The following SYNE2 variants were observed in gnomAD, a reference collection of about 807,000 sequenced individuals.
SYNE2 encodes the protein nesprin-2.
A neutral mutation model predicts 856.3 loss-of-function variants in SYNE2; 431 were observed. The ratio of observed to expected loss-of-function variants is 0.50; its 90% confidence interval spans 0.47 to 0.55. The LOEUF is 0.55. Ranked by LOEUF, SYNE2 falls within the 20% of genes least tolerant of loss-of-function variation. The probability of loss-of-function intolerance (pLI) is 0.00; values close to 1 mark genes in which losing one functional copy is unlikely to be tolerated. For synonymous variants in SYNE2, 2,923 were observed against 2,872.3 expected, an observed-to-expected ratio of 1.02 and a Z score of -0.56; for missense variants, 8,129 against 8,023.2, an observed-to-expected ratio of 1.01 and a Z score of -0.50.
chr14:64,031,067 G>A lies in SYNE2; in HGVS notation c.6931G>A (p.Ala2311Thr), dbSNP rs751149854. ...LQDGTLKKIL[A>T]LAKSVKQNTS... ...AGATGGCACATTAAAGAAGATTTTA[G>A]CTTTAGCAAAATCCGTCAAGCAAAA... Residue 2311 changes from alanine (A) to threonine (T), a missense_variant, in exon 45 of 116, where the codon GCT becomes ACT. Physicochemically the swap from Ala to Thr is moderately conservative, Grantham distance 58. Transcript: ENST00000555002. 1 of 1,614,024 alleles carries A rather than the reference G, an allele frequency of 6.2e-7. No homozygotes were observed. Among genetic ancestry groups the A allele is most frequent in the Non-Finnish European group, 8.5e-7 (1 of 1,179,978 alleles).
At chr14:63,802,699 C>T (rs1888191380) in intron 1 of SYNE2, among the ~76,000 whole-genome samples, 1 of 152,080 alleles carries the variant, frequency 6.6e-6, no homozygotes, top group Non-Finnish European at 1.5e-5. Flanking sequence ...CTTAACGTGG[C>T]GCGTCTGGAG....
chr14:63,938,202 A>G (rs1221659732), intron 2 of SYNE2, among the ~76,000 whole-genome samples: 2 of 152,170 alleles, frequency 1.3e-5, no homozygotes, highest in African/African-American at 4.8e-5. Context: ...CACGCCTGTA[A>G]TCCCAGCACT....
intron 84 of SYNE2, among the ~76,000 whole-genome samples, chr14:64,151,375 G>A (rs758036361): frequency 8.4e-6 from 1 of 119,656 alleles, no homozygotes; most frequent in African/African-American, 3.2e-5. Context: ...AGGCACTCAT[G>A]TTTCTCTTTC....
intron 61 of SYNE2, among the ~76,000 whole-genome samples, chr14:64,094,686 C>G (rs58812298): frequency 2.4e-3 from 361 of 152,270 alleles, no homozygotes; most frequent in African/African-American, 8.2e-3. Context: ...ATAATTCCCA[C>G]TCAGTAATGA....
chr14:64,040,096 A>ATCTG (rs541899739), intron 45 of SYNE2, among the ~76,000 whole-genome samples: 56 of 152,302 alleles, frequency 3.7e-4, no homozygotes, highest in Non-Finnish European at 6.8e-4. Flanking sequence ...TCAGTCTCTA[A>ATCTG]TCTGTCTGTC....
Position 64,163,417 on chromosome 14 carries a change from G to A in SYNE2, c.16315G>A (p.Val5439Met). 6.2e-7 allele frequency: 1 copy of A among 1,614,040 alleles called. No individual in the cohort carries two copies. Among genetic ancestry groups the A allele is most frequent in the Non-Finnish European group, 8.5e-7 (1 of 1,180,032 alleles). Residue 5439 changes from valine (V) to methionine (M), a missense_variant, in exon 89 of 116, where the codon GTG becomes ATG. Around this residue, in one of 3 missense-constraint regions of SYNE2, gnomAD observed 5,410 missense variants for 5,284.8 expected, o/e 1.02. Transcript: ENST00000555002. ...LQDIKELQHD[V>M]QKTKEAFLQN... ...TCTTCTGCAGGAGCTGCAGCATGATGTGCAGAAAACAAAAGAAGCCTTTCT... is the reference window on the plus strand; with the variant it reads ...TCTTCTGCAGGAGCTGCAGCATGATATGCAGAAAACAAAAGAAGCCTTTCT...
chr14:64,167,765 C>T, intron 92 of SYNE2, 126 bp downstream of exon 92: 1 of 1,280,636 alleles, frequency 7.8e-7, no homozygotes, highest in Non-Finnish European at 1.1e-6. Flanking sequence ...TACCTTTAAG[C>T]AAATTCAGTT....
intron 11 of SYNE2, among the ~76,000 whole-genome samples, chr14:63,973,679 G>T (rs2096501028): frequency 6.9e-6 from 1 of 145,314 alleles, no homozygotes; most frequent in South Asian, 2.2e-4. Context: ...TTTGCCATAT[G>T]CCTTTTGAGA....
intron 96 of SYNE2, among the ~76,000 whole-genome samples, chr14:64,183,322 G>T (rs577185431): frequency 1.3e-5 from 2 of 150,632 alleles, no homozygotes; most frequent in African/African-American, 4.9e-5. Flanking sequence ...CAGACGGGGC[G>T]GCAGGGCAGA....
intron 28 of SYNE2, among the ~76,000 whole-genome samples, chr14:64,001,653 G>C (rs890486432): frequency 6.6e-6 from 1 of 152,196 alleles, no homozygotes; most frequent in Non-Finnish European, 1.5e-5. Flanking sequence ...ACCTAGCTCT[G>C]CTGCCTCTTA....
intron 2 of SYNE2, among the ~76,000 whole-genome samples, chr14:63,911,130 C>G (rs1175005001): frequency 6.6e-6 from 1 of 152,136 alleles, no homozygotes; most frequent in Admixed American, 6.5e-5. Context: ...TGCTCCAACC[C>G]CATGGTTCCT....
intron 1 of SYNE2, among the ~76,000 whole-genome samples, chr14:63,812,356 G>A (rs2139829818): frequency 6.6e-6 from 1 of 152,232 alleles, no homozygotes; most frequent in East Asian, 1.9e-4. Flanking sequence ...CAGACCTTAT[G>A]GTTGTCTTCC....
At chr14:64,184,329 GGTGTGTGTGTGTGT>G (rs767980383) in intron 96 of SYNE2, among the ~76,000 whole-genome samples, 13 of 144,256 alleles carry the variant, frequency 9.0e-5, no homozygotes, top group South Asian at 4.5e-4. Context: ...TATGCATAGG[GGTGTGTGTGTGTGT>G]GTGTGTGTGT....
chr14:64,208,996 T>C (rs761412382), intron 101 of SYNE2, 51 bp downstream of exon 101: 1 of 1,586,598 alleles, frequency 6.3e-7, no homozygotes, highest in East Asian at 2.3e-5. Flanking sequence ...CCGAACTCAA[T>C]ACACCCTTCT....
At chr14:64,167,118 G>GA in intron 90 of SYNE2, 115 bp from the exon 91 acceptor site, 1 of 1,330,480 alleles carries the variant, frequency 7.5e-7, no homozygotes, top group Non-Finnish European at 1.1e-6. Flanking sequence ...CTGTGGGCAA[G>GA]TCATTTGCCT....
intron 35 of SYNE2, among the ~76,000 whole-genome samples, chr14:64,020,824 G>A (rs573966605): frequency 5.3e-4 from 81 of 152,316 alleles, no homozygotes; most frequent in African/African-American, 1.8e-3. Context: ...GAGTGCTGGA[G>A]TTAAGACCTT....
chr14:63,795,996 A>G (rs1256782945), intron 1 of SYNE2, among the ~76,000 whole-genome samples: 1 of 152,244 alleles, frequency 6.6e-6, no homozygotes, highest in East Asian at 1.9e-4. Context: ...GGGATTAACC[A>G]TAAATGAGTA....
At chr14:63,861,348 T>C (rs1893646738) in intron 1 of SYNE2, among the ~76,000 whole-genome samples, 1 of 151,928 alleles carries the variant, frequency 6.6e-6, no homozygotes, top group South Asian at 2.1e-4. Flanking sequence ...TTTCACCATG[T>C]TGGTCATGCT....
Position 64,221,609 on chromosome 14 carries a change from T to C in SYNE2, c.20095T>C (p.Trp6699Arg). The C allele has an allele frequency of 6.2e-7, 1 of 1,614,170 alleles. No individual in the cohort carries two copies. The highest frequency in any genetic ancestry group is 8.5e-7 in the Non-Finnish European group (1 of 1,180,032). ...CCAGTTGAGTCAAAATCTGCTGCTGTGGTTAGCGAGTGCCAAGAACCGGAG... is the reference window on the plus strand; with the variant it reads ...CCAGTTGAGTCAAAATCTGCTGCTGCGGTTAGCGAGTGCCAAGAACCGGAG... ...FHQLSQNLLLWLASAKNRRQK... is the reference protein window; with the variant it reads ...FHQLSQNLLLRLASAKNRRQK... Residue 6699 changes from tryptophan (W) to arginine (R), a missense_variant, in exon 112 of 116, where the codon TGG becomes CGG. Transcript: ENST00000555002.
Sources: gnomAD v4.1 joint callset for allele counts (sites outside exome capture counted in the v4.1 genomes callset) on GRCh38, gnomAD v4.1.1 for gene constraint, gnomAD v4.1.1 regional missense constraint, MANE v1.5 for transcripts, NCBI Gene and HGNC (gene_info 2026-07-23, HGNC 2026-07-21) for gene names.